The following DNAH11 variants were observed in gnomAD, a reference collection of about 807,000 sequenced individuals.
DNAH11 encodes dynein axonemal heavy chain 11, also known as axonemal beta dynein heavy chain 11.
Under a neutral mutation model 526.0 loss-of-function variants are expected in DNAH11, and 442 were observed. That is an observed-to-expected ratio of 0.84 (90% CI 0.78 to 0.91). DNAH11 has a LOEUF of 0.91. DNAH11 is among the 40% of genes least tolerant of loss of function. The pLI is 0.00. For synonymous variants in DNAH11, 2,461 were observed against 1,935.9 expected, an observed-to-expected ratio of 1.27 and a Z score of -7.12; for missense variants, 6,989 against 5,448.7, an observed-to-expected ratio of 1.28 and a Z score of -8.90.
rs1477480079 is a variant in DNAH11 at position 21,617,644 on chromosome 7, T to G, written c.4121T>G (p.Val1374Gly). 1.2e-6 allele frequency: 2 copies of G among 1,613,748 alleles called. No homozygotes were observed. Among genetic ancestry groups the G allele is most frequent in the Admixed American group, 3.3e-5 (2 of 59,944 alleles). ...GAAATTTGGTCACTCAACAAGGAAGTCCGCGTCTGGGATGCTTACACGGGC... is the reference window on the plus strand; with the variant it reads ...GAAATTTGGTCACTCAACAAGGAAGGCCGCGTCTGGGATGCTTACACGGGC... ...AKEIWSLNKEVRVWDAYTGLE... is the reference protein window; with the variant it reads ...AKEIWSLNKEGRVWDAYTGLE... Residue 1374 changes from valine to glycine, a missense_variant, in exon 23 of 82, where the codon GTC becomes GGC. By Grantham distance (109) the Val-to-Gly change is moderately radical. Transcript: ENST00000409508.
chr7:21,677,028 T>C (rs1782920796), intron 30 of DNAH11, among the ~76,000 whole-genome samples: 1 of 152,190 alleles, frequency 6.6e-6, no homozygotes, highest in South Asian at 2.1e-4. Flanking sequence ...ATGCTGTCGT[T>C]GCCTTTGTGG....
intron 69 of DNAH11, among the ~76,000 whole-genome samples, chr7:21,862,866 C>A (rs1783117419): frequency 6.6e-6 from 1 of 151,960 alleles, no homozygotes; most frequent in African/African-American, 2.4e-5. Context: ...AGATTGAGAC[C>A]ATCCTGGCTA....
At chr7:21,637,910 T>C (rs910346739) in intron 27 of DNAH11, among the ~76,000 whole-genome samples, 1 of 152,110 alleles carries the variant, frequency 6.6e-6, no homozygotes, top group Admixed American at 6.6e-5. Context: ...AAAATATTTG[T>C]TTTCTGAGAG....
chr7:21,600,809 G>C lies in DNAH11; in HGVS notation c.3134G>C (p.Arg1045Pro), dbSNP rs754350576. The C allele has an allele frequency of 1.2e-6, 2 of 1,613,762 alleles. No individual in the cohort carries two copies. The highest frequency in any genetic ancestry group is 2.7e-5 in the African/African-American group (2 of 74,898). ...ETHTYLWVDDRAEFMKHFLLY... is the reference protein window; with the variant it reads ...ETHTYLWVDDPAEFMKHFLLY... ...CACACTTACCTCTGGGTGGATGATC[G>C]AGCTGAGTTTATGAAGCATTTTCTC... Residue 1045 changes from arginine (R) to proline (P), a missense_variant, in exon 16 of 82, where the codon CGA (arginine) becomes CCA (proline). Transcript: ENST00000409508.
chr7:21,628,981 G>C (rs1030611958), intron 25 of DNAH11, among the ~76,000 whole-genome samples: 2 of 151,890 alleles, frequency 1.3e-5, no homozygotes, highest in Non-Finnish European at 2.9e-5. Context: ...CTAGTTCCTT[G>C]AGGTGTATTG....
At chr7:21,772,124 A>G (rs1440682109) in intron 55 of DNAH11, among the ~76,000 whole-genome samples, 2 of 152,190 alleles carry the variant, frequency 1.3e-5, no homozygotes, top group African/African-American at 4.8e-5. Context: ...TCCCTGGCTC[A>G]GCGAGTCTCC....
In DNAH11 at chr7:21,619,146, C is replaced by T; in HGVS notation, c.4301C>T (p.Ala1434Val). ...GCCACAACTTTGGCAGATTTGTTAGCACTGCGGTTACACAGAGTGGAAGAT... is the reference window on the plus strand; with the variant it reads ...GCCACAACTTTGGCAGATTTGTTAGTACTGCGGTTACACAGAGTGGAAGAT... Reference protein sequence around the residue: ...NEATTLADLLALRLHRVEDDV... With the variant: ...NEATTLADLLVLRLHRVEDDV... Residue 1434 changes from alanine to valine, a missense_variant, in exon 24 of 82, where the codon GCA (alanine) becomes GTA (valine). Coordinates refer to ENST00000409508, the MANE Select transcript of DNAH11 (RefSeq NM_001277115.2). 2 of 1,613,634 alleles carry T rather than the reference C, an allele frequency of 1.2e-6. No individual in the cohort carries two copies. The highest frequency in any genetic ancestry group is 8.5e-7 in the Non-Finnish European group (1 of 1,179,698).
chr7:21,655,997 G>A lies in DNAH11; in HGVS notation c.5094+16G>A. On this transcript the variant is annotated intron_variant, in intron 29 of 81. Transcript: ENST00000409508. ...TGTGGGCCATGTAAGATTTGATTAT[G>A]AGGTTTTCTATGCTAGGGGAGTATT... The A allele has an allele frequency of 6.3e-7, 1 of 1,577,950 alleles. No homozygotes were observed. The highest frequency in any genetic ancestry group is 8.6e-7 in the Non-Finnish European group (1 of 1,160,154).
At chr7:21,644,935 G>A (rs1014718263) in intron 28 of DNAH11, among the ~76,000 whole-genome samples, 1 of 152,174 alleles carries the variant, frequency 6.6e-6, no homozygotes, top group Non-Finnish European at 1.5e-5. Flanking sequence ...TTCTCAAAAT[G>A]ATGAATATGT....
intron 48 of DNAH11, among the ~76,000 whole-genome samples, chr7:21,740,355 A>C (rs1785823477): frequency 6.6e-6 from 1 of 152,154 alleles, no homozygotes; most frequent in Non-Finnish European, 1.5e-5. Context: ...TGTGAAACTG[A>C]AACTCCACCC....
At chr7:21,737,364 A>G (rs933982345) in intron 46 of DNAH11, among the ~76,000 whole-genome samples, 2 of 152,206 alleles carry the variant, frequency 1.3e-5, no homozygotes, top group Non-Finnish European at 2.9e-5. Flanking sequence ...GGAACATGGG[A>G]CTTGTAGTTT....
intron 54 of DNAH11, among the ~76,000 whole-genome samples, chr7:21,751,654 A>T (rs1416797505): frequency 6.6e-6 from 1 of 152,198 alleles, no homozygotes; most frequent in Non-Finnish European, 1.5e-5. Flanking sequence ...GGAGACGGGT[A>T]CTGGCATTGG....
intron 44 of DNAH11, among the ~76,000 whole-genome samples, chr7:21,722,949 C>G (rs1784939268): frequency 6.6e-6 from 1 of 152,160 alleles, no homozygotes; most frequent in Admixed American, 6.5e-5. Flanking sequence ...TTTAATCTTT[C>G]CAGTTTCCAA....
intron 39 of DNAH11, 73 bp from the exon 40 acceptor site, chr7:21,707,626 T>C (rs1442338839): frequency 2.6e-6 from 4 of 1,534,746 alleles, no homozygotes; most frequent in Non-Finnish European, 3.5e-6. Flanking sequence ...CGGAAAACTC[T>C]TCAGAAATCT....
intron 40 of DNAH11, 125 bp downstream of exon 40, chr7:21,707,960 A>G (rs1226660479): frequency 2.1e-6 from 2 of 967,476 alleles, no homozygotes; most frequent in East Asian, 2.7e-5. Context: ...TTGGAAATAT[A>G]GCAGATCACA....
At chr7:21,611,129 A>T (rs1241205724) in intron 20 of DNAH11, among the ~76,000 whole-genome samples, 1 of 152,164 alleles carries the variant, frequency 6.6e-6, no homozygotes, top group African/African-American at 2.4e-5. Context: ...GGCATTGTCC[A>T]ATTGGCTGGG....
At chr7:21,607,452 T>C (rs1189290972) in intron 20 of DNAH11, among the ~76,000 whole-genome samples, 1 of 152,182 alleles carries the variant, frequency 6.6e-6, no homozygotes, top group African/African-American at 2.4e-5. Context: ...TCCAATCATG[T>C]TGACAGTCAG....
chr7:21,718,465 C>G (rs557753806), intron 43 of DNAH11, among the ~76,000 whole-genome samples: 53 of 152,316 alleles, frequency 3.5e-4, no homozygotes, highest in African/African-American at 1.2e-3. Flanking sequence ...CACAGGCCTC[C>G]CCCTCCCAAA....
intron 61 of DNAH11, among the ~76,000 whole-genome samples, chr7:21,791,591 C>A (rs1490227430): frequency 6.6e-6 from 1 of 152,122 alleles, no homozygotes; most frequent in Non-Finnish European, 1.5e-5. Flanking sequence ...CCTTTCTTTC[C>A]CTCTTAAGAG....
Sources: allele counts gnomAD v4.1 joint callset (sites outside exome capture counted in the v4.1 genomes callset), GRCh38; gene constraint gnomAD v4.1.1; transcripts MANE v1.5; gene names NCBI Gene and HGNC (gene_info 2026-07-23, HGNC 2026-07-21).